TDRD12: variants seen among roughly 807,000 people sequenced by gnomAD.
The protein encoded by TDRD12 is tudor domain containing 12.
In TDRD12, 158 loss-of-function variants were observed where a neutral mutation model predicts 133.5. That is an observed-to-expected ratio of 1.18 (90% CI 1.04 to 1.35). TDRD12 has a LOEUF of 1.35. Ranked by LOEUF, TDRD12 falls within the 40% of genes most tolerant of loss-of-function variation. The pLI is 0.00. For missense variants in TDRD12, 1,443 were observed against 1,321.3 expected, an observed-to-expected ratio of 1.09 and a Z score of -1.43; for synonymous variants, 460 against 477.9, an observed-to-expected ratio of 0.96 and a Z score of 0.49.
chr19:32,816,677 A>G (rs1967191642), intron 26 of TDRD12, among the ~76,000 whole-genome samples: 1 of 152,122 alleles, frequency 6.6e-6, no homozygotes. Context: ...TAGAGTTACT[A>G]CCCAATAGTG....
At chr19:32,723,857 GT>G (rs1379728538) in intron 1 of TDRD12, among the ~76,000 whole-genome samples, 1 of 151,974 alleles carries the variant, frequency 6.6e-6, no homozygotes, top group African/African-American at 2.4e-5. Flanking sequence ...ACTGGGTTTT[GT>G]TTTGTTTTTC....
chr19:32,773,593 G>T, intron 10 of TDRD12, 61 bp downstream of exon 10: 1 of 1,445,108 alleles, frequency 6.9e-7, no homozygotes, highest in South Asian at 1.2e-5. Flanking sequence ...AGCTACTGGG[G>T]AGGCTGAGCT....
chr19:32,742,330 G>A (rs1045687013), intron 3 of TDRD12, among the ~76,000 whole-genome samples: 2 of 151,984 alleles, frequency 1.3e-5, no homozygotes. Flanking sequence ...CTAATTTTTT[G>A]TAGTTTTAGT....
Position 32,810,081 on chromosome 19 carries a change from T to C in TDRD12, c.2653-12T>C. On this transcript the variant is annotated splice_polypyrimidine_tract_variant and intron_variant, in intron 22 of 27. Coordinates refer to ENST00000444215, the Ensembl canonical transcript of TDRD12. ...GTTTGTTTCTTGGTCATGTTTACTA[T>C]ATATGTTTCAGATAATACCTTTTTA... 6.7e-7 allele frequency: 1 copy of C among 1,483,812 alleles called. No homozygotes were observed. The highest frequency in any genetic ancestry group is 2.5e-5 in the East Asian group (1 of 40,448). The allele number at this position is 1,483,812 out of a possible 1,614,324, so 91.9% of individuals were successfully genotyped here.
intron 4 of TDRD12, 55 bp from the exon 5 acceptor site, chr19:32,748,421 G>C: frequency 6.6e-7 from 1 of 1,505,728 alleles, no homozygotes; most frequent in Non-Finnish European, 9.0e-7. Context: ...AAATGCTGTT[G>C]GTGTGCTAGC....
intron 11 of TDRD12, among the ~76,000 whole-genome samples, chr19:32,785,257 T>A (rs1340965966): frequency 6.6e-6 from 1 of 152,240 alleles, no homozygotes; most frequent in Non-Finnish European, 1.5e-5. Context: ...AGCTTCCATG[T>A]AGTTGTGCGG....
At position 32,755,416 on chromosome 19, in the gene TDRD12, C is replaced by G. The variant is rs150648874; in HGVS notation, c.583-576C>G. 4.5e-3 allele frequency among the ~76,000 whole-genome samples: 692 copies of G among 152,278 alleles called. 2 individuals are homozygous for G. The highest frequency in any genetic ancestry group is 0.024 in the Middle Eastern group (7 of 294). ...CATTCGGCTAAGTGTGCAGTAGCACCTCATTGTGGTTTAAATTTGCGTTTC... is the reference window on the plus strand; with the variant it reads ...CATTCGGCTAAGTGTGCAGTAGCACGTCATTGTGGTTTAAATTTGCGTTTC... On this transcript the variant is annotated intron_variant, in intron 6 of 27. Transcript: ENST00000444215.
At chr19:32,760,283 G>A (rs1302887713) in intron 8 of TDRD12, among the ~76,000 whole-genome samples, 5 of 152,224 alleles carry the variant, frequency 3.3e-5, no homozygotes, top group Admixed American at 2.0e-4. Context: ...AATGTGAGGT[G>A]TAACTGAATT....
intron 17 of TDRD12, 85 bp downstream of exon 17, chr19:32,800,443 T>C (rs889019615): frequency 1.1e-5 from 12 of 1,106,414 alleles, no homozygotes; most frequent in Non-Finnish European, 1.4e-5. Context: ...CAAGTAACTT[T>C]TATTTCATGG....
intron 6 of TDRD12, among the ~76,000 whole-genome samples, chr19:32,752,414 AGG>A (rs1375377133): frequency 2.0e-5 from 3 of 151,954 alleles, no homozygotes; most frequent in African/African-American, 7.3e-5. Context: ...TCCTGACCTT[AGG>A]TGATCCACCC....
chr19:32,757,032 T>C lies in TDRD12; in HGVS notation c.773-6T>C. The stretch of plus-strand genomic sequence containing the variant: ...CTTTAATTCTGAAATTTATTCTTTC[T>C]ATCAGATTCACATGGTGTAAATTTT... On this transcript the variant is annotated splice_region_variant and splice_polypyrimidine_tract_variant and intron_variant, in intron 7 of 27. Transcript: ENST00000444215. 5 of 1,550,042 alleles carry C rather than the reference T, an allele frequency of 3.2e-6. No homozygotes were observed. Among genetic ancestry groups the C allele is most frequent in the Non-Finnish European group, 3.5e-6 (4 of 1,145,432 alleles).
intron 13 of TDRD12, among the ~76,000 whole-genome samples, chr19:32,793,050 G>A (rs1245995915): frequency 6.6e-6 from 1 of 152,154 alleles, no homozygotes; most frequent in Non-Finnish European, 1.5e-5. Context: ...GCTGGGTGTG[G>A]TGGCATGTGC....
At position 32,767,381 on chromosome 19, in the gene TDRD12, G is replaced by A. The variant is rs1248190958; in HGVS notation, c.866-5372G>A. Among the ~76,000 whole-genome samples, 7 of 150,256 alleles carry A rather than the reference G, an allele frequency of 4.7e-5. No homozygotes were observed. The South Asian group carries it at 6.4e-4, about 14-fold the overall frequency. On this transcript the variant is annotated intron_variant, in intron 8 of 27. Coordinates refer to ENST00000444215, the Ensembl canonical transcript of TDRD12. ...TGACCTCAGATGATCCACCCGACTCGGCCTCCCAAAGTGCTGGGATTACAG... is the reference window on the plus strand; with the variant it reads ...TGACCTCAGATGATCCACCCGACTCAGCCTCCCAAAGTGCTGGGATTACAG...
At chr19:32,765,459 A>G (rs1173191010) in intron 8 of TDRD12, among the ~76,000 whole-genome samples, 1 of 152,218 alleles carries the variant, frequency 6.6e-6, no homozygotes, top group South Asian at 2.1e-4. Context: ...TTGCGGCACT[A>G]TTCACAATAG....
intron 4 of TDRD12, among the ~76,000 whole-genome samples, chr19:32,747,557 CCTTG>C (rs1052671514): frequency 1.3e-5 from 2 of 151,910 alleles, no homozygotes; most frequent in Admixed American, 6.6e-5. Context: ...TTATTTTTTT[CCTTG>C]CTTCCAAGTT....
intron 10 of TDRD12, among the ~76,000 whole-genome samples, chr19:32,775,474 G>A (rs1970554828): frequency 2.0e-5 from 3 of 152,142 alleles, no homozygotes; most frequent in Admixed American, 2.0e-4. Flanking sequence ...AGGACTGCAG[G>A]CATACACCAC....
At chr19:32,811,981 A>G (rs1304810057) in intron 24 of TDRD12, among the ~76,000 whole-genome samples, 3 of 152,252 alleles carry the variant, frequency 2.0e-5, no homozygotes, top group Non-Finnish European at 4.4e-5. Context: ...CCACTGGTGC[A>G]GGGACGATGG....
At chr19:32,823,884 G>A (rs113329596), downstream of TDRD12, among the ~76,000 whole-genome samples, 257 of 152,350 alleles carry the variant, frequency 1.7e-3, no homozygotes, top group African/African-American at 5.8e-3. Context: ...CCCTGCTACC[G>A]GCCCATTTGC....
intron 27 of TDRD12, 98 bp downstream of exon 27, chr19:32,818,255 A>G (rs1432848200): frequency 6.4e-6 from 4 of 624,352 alleles, no homozygotes; most frequent in African/African-American, 5.5e-5. Context: ...AGGAGTCTCC[A>G]CGGGCCGAGG....
Sources: gnomAD v4.1 joint callset for allele counts (sites outside exome capture counted in the v4.1 genomes callset) on GRCh38, gnomAD v4.1.1 for gene constraint, MANE v1.5 for transcripts, NCBI Gene and HGNC (gene_info 2026-07-23, HGNC 2026-07-21) for gene names.